The following RALYL variants were observed in gnomAD, a reference collection of about 807,000 sequenced individuals.
RALYL encodes RNA-binding Raly-like protein.
A neutral mutation model predicts 35.1 loss-of-function variants in RALYL; 29 were observed. The observed-to-expected ratio is 0.83, with a 90% CI of 0.61 to 1.13. The LOEUF (loss-of-function observed/expected upper bound fraction) is 1.13, where lower values mean the gene tolerates loss of function less well. Ranked by LOEUF, RALYL falls within the 50% of genes most tolerant of loss-of-function variation. RALYL has a pLI of 0.00. For missense variants in RALYL, 359 were observed against 360.4 expected, an observed-to-expected ratio of 1.00 and a Z score of 0.03; for synonymous variants, 120 against 127.6, an observed-to-expected ratio of 0.94 and a Z score of 0.40.
intron 1 of RALYL, among the ~76,000 whole-genome samples, chr8:84,426,432 C>T (rs62526802): frequency 1.5e-5 from 1 of 67,140 alleles, no homozygotes; most frequent in African/African-American, 4.3e-5. Flanking sequence ...CGTTCTCTCT[C>T]TCTCTCTGTG....
intron 2 of RALYL, among the ~76,000 whole-genome samples, chr8:84,593,894 C>A (rs1813876016): frequency 6.6e-6 from 1 of 152,048 alleles, no homozygotes; most frequent in African/African-American, 2.4e-5. Context: ...ATATGCACTG[C>A]CCTTCCTCAG....
At chr8:84,486,192 TTAATAA>T (rs905911193) in intron 1 of RALYL, among the ~76,000 whole-genome samples, 3 of 150,852 alleles carry the variant, frequency 2.0e-5, no homozygotes, top group East Asian at 1.9e-4. Context: ...AAGAATATAA[TTAATAA>T]TAATAATGAA....
At chr8:84,196,338 C>A (rs1443504759) in intron 1 of RALYL, among the ~76,000 whole-genome samples, 2 of 152,110 alleles carry the variant, frequency 1.3e-5, no homozygotes, top group African/African-American at 2.4e-5. Flanking sequence ...CATGAACAAG[C>A]TTTCTCTAGA....
intron 1 of RALYL, among the ~76,000 whole-genome samples, chr8:84,294,447 C>T (rs1246618113): frequency 2.0e-5 from 3 of 152,120 alleles, no homozygotes; most frequent in Admixed American, 2.0e-4. Context: ...ATAGTAGTAT[C>T]TAAAACTCAG....
At chr8:84,433,885 AAT>A (rs1418075707) in intron 1 of RALYL, among the ~76,000 whole-genome samples, 2 of 151,254 alleles carry the variant, frequency 1.3e-5, no homozygotes, top group African/African-American at 4.9e-5. Flanking sequence ...AACATTTGAA[AAT>A]ATATATATTC....
intron 1 of RALYL, among the ~76,000 whole-genome samples, chr8:84,395,014 A>T (rs1255962744): frequency 1.3e-5 from 2 of 151,910 alleles, no homozygotes; most frequent in Non-Finnish European, 2.9e-5. Context: ...TTGTTAAAGT[A>T]TACATGTTCC....
chr8:84,688,802 A>G (rs1384564863), intron 2 of RALYL, among the ~76,000 whole-genome samples: 8 of 152,162 alleles, frequency 5.3e-5, no homozygotes, highest in Non-Finnish European at 8.8e-5. Context: ...ATGAAATGGG[A>G]GAAAATATTT....
chr8:84,668,427 A>G (rs1461239945), intron 2 of RALYL, among the ~76,000 whole-genome samples: 2 of 152,150 alleles, frequency 1.3e-5, no homozygotes, highest in African/African-American at 4.8e-5. Context: ...TTGGGGCATT[A>G]TTTAAAACAG....
At chr8:84,654,970 A>C (rs150454462) in intron 2 of RALYL, among the ~76,000 whole-genome samples, 2 of 151,710 alleles carry the variant, frequency 1.3e-5, no homozygotes, top group Admixed American at 1.3e-4. Flanking sequence ...TTGCTGGATC[A>C]TATGGTGGGG....
chr8:84,403,733 A>G (rs2043180576), intron 1 of RALYL, among the ~76,000 whole-genome samples: 1 of 151,876 alleles, frequency 6.6e-6, no homozygotes, highest in Admixed American at 6.6e-5. Flanking sequence ...AGTCAGTGAT[A>G]GCTTGATGGG....
intron 1 of RALYL, among the ~76,000 whole-genome samples, chr8:84,324,342 C>T (rs1299798673): frequency 6.6e-6 from 1 of 151,852 alleles, no homozygotes; most frequent in Non-Finnish European, 1.5e-5. Flanking sequence ...TACTCACTGT[C>T]TTTACTTCAA....
At chr8:84,365,412 A>G (rs191773592) in intron 1 of RALYL, among the ~76,000 whole-genome samples, 1 of 152,332 alleles carries the variant, frequency 6.6e-6, no homozygotes, top group East Asian at 1.9e-4. Context: ...ACAGTGTTGC[A>G]AAACTAATGT....
At chr8:84,915,784 C>T (rs2135741211) in intron 8 of RALYL, among the ~76,000 whole-genome samples, 1 of 152,112 alleles carries the variant, frequency 6.6e-6, no homozygotes, top group African/African-American at 2.4e-5. Context: ...TACATCTTAT[C>T]AAACTAAAAA....
chr8:84,780,458 A>G (rs972308712), intron 3 of RALYL, among the ~76,000 whole-genome samples: 2 of 152,242 alleles, frequency 1.3e-5, no homozygotes, highest in African/African-American at 2.4e-5. Flanking sequence ...CTGAATATCC[A>G]TACATCTGGG....
At chr8:84,348,396 G>T (rs1403932110) in intron 1 of RALYL, among the ~76,000 whole-genome samples, 3 of 152,032 alleles carry the variant, frequency 2.0e-5, no homozygotes, top group Non-Finnish European at 4.4e-5. Flanking sequence ...TTACATTGTT[G>T]CATTTCACTT....
intron 1 of RALYL, among the ~76,000 whole-genome samples, chr8:84,348,615 A>C (rs528517953): frequency 6.6e-6 from 1 of 152,266 alleles, no homozygotes; most frequent in Admixed American, 6.5e-5. Context: ...TTACTGCTTT[A>C]TCGACCGTAA....
chr8:84,331,308 G>A (rs111749456), intron 1 of RALYL, among the ~76,000 whole-genome samples: 4,126 of 152,130 alleles, frequency 0.027, 101 homozygotes, highest in Non-Finnish European at 0.031. Flanking sequence ...CAATATCCAA[G>A]AGCATGTGTG....
intron 4 of RALYL, among the ~76,000 whole-genome samples, 180 bp downstream of exon 4, chr8:84,804,982 A>T (rs1425725299): frequency 6.6e-6 from 1 of 152,152 alleles, no homozygotes; most frequent in East Asian, 1.9e-4. Flanking sequence ...TTGTATTGTG[A>T]CCTCAGAAAT....
At chr8:84,337,024 A>G (rs1847929089) in intron 1 of RALYL, among the ~76,000 whole-genome samples, 1 of 150,474 alleles carries the variant, frequency 6.6e-6, no homozygotes, top group Admixed American at 6.7e-5. Flanking sequence ...CTGTGTATCT[A>G]TGTATCTAGT....
Sources: gnomAD v4.1 joint callset for allele counts (sites outside exome capture counted in the v4.1 genomes callset) on GRCh38, gnomAD v4.1.1 for gene constraint, MANE v1.5 for transcripts, NCBI Gene and HGNC (gene_info 2026-07-23, HGNC 2026-07-21) for gene names.